Variants in GLRA1 observed in about 807,000 individuals in gnomAD.
The protein encoded by GLRA1 is glycine receptor alpha 1.
GLRA1 carries 37 observed loss-of-function variants against 48.3 expected under a neutral mutation model. That is an observed-to-expected ratio of 0.77 (90% CI 0.59 to 1.01). The LOEUF is 1.01. Among genes scored for constraint, GLRA1 ranks in the 50% least tolerant of loss-of-function variants. The pLI is 0.00. For missense variants in GLRA1, 427 were observed against 571.0 expected, an observed-to-expected ratio of 0.75 and a Z score of 2.57; for synonymous variants, 196 against 210.7, an observed-to-expected ratio of 0.93 and a Z score of 0.60.
intron 7 of GLRA1, among the ~76,000 whole-genome samples, chr5:151,830,210 G>C (rs555158766): frequency 6.6e-6 from 1 of 152,296 alleles, no homozygotes; most frequent in South Asian, 2.1e-4. Flanking sequence ...CATTCCCAGA[G>C]AGTTATCATC....
At chr5:151,897,518 G>A (rs545312451) in intron 1 of GLRA1, among the ~76,000 whole-genome samples, 1 of 152,140 alleles carries the variant, frequency 6.6e-6, no homozygotes, top group Non-Finnish European at 1.5e-5. Flanking sequence ...AGGCAGATTT[G>A]ATTAATGGTA....
chr5:151,837,592 A>G (rs915622753), intron 7 of GLRA1, among the ~76,000 whole-genome samples: 2 of 152,234 alleles, frequency 1.3e-5, no homozygotes, highest in Non-Finnish European at 2.9e-5. Flanking sequence ...ACTGATAAAG[A>G]AAATGTGTCA....
At chr5:151,909,490 G>T (rs955639914) in intron 1 of GLRA1, among the ~76,000 whole-genome samples, 5 of 152,220 alleles carry the variant, frequency 3.3e-5, no homozygotes, top group African/African-American at 1.2e-4. Context: ...CCCAGGTAGT[G>T]TTTAAGATGT....
At chr5:151,904,823 T>A (rs1754440911) in intron 1 of GLRA1, among the ~76,000 whole-genome samples, 1 of 152,204 alleles carries the variant, frequency 6.6e-6, no homozygotes, top group African/African-American at 2.4e-5. Flanking sequence ...TTTTATTGAT[T>A]CAAAGAGAGT....
chr5:151,852,647 G>A lies in GLRA1; in HGVS notation c.698-1043C>T, dbSNP rs1357471801. Among the ~76,000 whole-genome samples the A allele has an allele frequency of 2.6e-5, 4 of 152,338 alleles. No homozygotes were observed. The South Asian group carries it at 6.2e-4, about 24-fold the overall frequency. ...TCAGTCTTTTCTTCTTGCATCCATA[G>A]GGTCTAGCACAGAGTTCAGCTCTAA... On this transcript the variant is annotated intron_variant, in intron 6 of 8. Transcript: ENST00000274576.
At chr5:151,857,775 C>T (rs1753087026) in intron 4 of GLRA1, among the ~76,000 whole-genome samples, 1 of 152,234 alleles carries the variant, frequency 6.6e-6, no homozygotes, top group South Asian at 2.1e-4. Context: ...AGCTGGAATA[C>T]AAGACTCCAG....
intron 1 of GLRA1, among the ~76,000 whole-genome samples, chr5:151,909,312 GC>G (rs1449385182): frequency 3.9e-5 from 6 of 152,136 alleles, no homozygotes; most frequent in Non-Finnish European, 8.8e-5. Context: ...CTGAATGTGT[GC>G]ACTTTTTACC....
intron 3 of GLRA1, among the ~76,000 whole-genome samples, chr5:151,866,780 C>G (rs1462469047): frequency 6.6e-6 from 1 of 151,898 alleles, no homozygotes; most frequent in Non-Finnish European, 1.5e-5. Context: ...AAATATCTAC[C>G]ACACAAAATT....
chr5:151,883,442 G>C (rs200079310), intron 3 of GLRA1, among the ~76,000 whole-genome samples: 1 of 143,164 alleles, frequency 7.0e-6, no homozygotes, highest in Non-Finnish European at 1.5e-5. Flanking sequence ...TTATCTATAG[G>C]TTATGAGAAC....
In GLRA1 at chr5:151,856,371, T is replaced by A; in HGVS notation, c.489A>T (p.Thr163=). 6.2e-7 allele frequency: 1 copy of A among 1,609,614 alleles called. No individual in the cohort carries two copies. Residue 163 remains threonine, a synonymous_variant, in exon 5 of 9, where the codon ACA becomes ACT. Coordinates refer to ENST00000274576, the MANE Select transcript of GLRA1 (RefSeq NM_000171.4). ...NVLYSIRITL[T]LACPMDLKNF... The stretch of plus-strand genomic sequence containing the variant: ...TCTTCAAGTCCATGGGGCAGGCCAG[T>A]GTCAGGGTGATTCTGGGAAGAGAAG...
chr5:151,851,326 G>A (rs568790495), intron 7 of GLRA1, 64 bp downstream of exon 7: 104 of 1,061,144 alleles, frequency 9.8e-5, no homozygotes, highest in Non-Finnish European at 1.4e-4. Context: ...TTTAGGCAGA[G>A]CAAGGAAGTA....
At chr5:151,842,253 C>T (rs1327903177) in intron 7 of GLRA1, among the ~76,000 whole-genome samples, 1 of 151,872 alleles carries the variant, frequency 6.6e-6, no homozygotes, top group East Asian at 1.9e-4. Flanking sequence ...CATTTCCCAA[C>T]TCTTTCTAAG....
At chr5:151,904,717 G>C (rs1302905433) in intron 1 of GLRA1, among the ~76,000 whole-genome samples, 1 of 152,170 alleles carries the variant, frequency 6.6e-6, no homozygotes, top group African/African-American at 2.4e-5. Flanking sequence ...AAATGAGGGT[G>C]ATAGTAGTTG....
chr5:151,889,983 TG>T (rs1481025848), intron 2 of GLRA1, among the ~76,000 whole-genome samples: 1 of 152,114 alleles, frequency 6.6e-6, no homozygotes, highest in African/African-American at 2.4e-5. Flanking sequence ...CTGTAGATAT[TG>T]GGCCCAAGTG....
chr5:151,871,256 A>C (rs1753477000), intron 3 of GLRA1, among the ~76,000 whole-genome samples: 1 of 149,432 alleles, frequency 6.7e-6, no homozygotes, highest in Non-Finnish European at 1.5e-5. Context: ...GATCCCCCAG[A>C]CCCAAGAAGA....
intron 7 of GLRA1, among the ~76,000 whole-genome samples, chr5:151,838,582 A>C (rs1455831763): frequency 6.6e-6 from 1 of 152,210 alleles, no homozygotes; most frequent in Non-Finnish European, 1.5e-5. Context: ...AAGACAGAAG[A>C]ATCAGGAAAC....
intron 3 of GLRA1, among the ~76,000 whole-genome samples, chr5:151,886,159 A>G (rs1414091260): frequency 6.6e-6 from 1 of 152,230 alleles, no homozygotes; most frequent in Non-Finnish European, 1.5e-5. Context: ...CAGAAATTTG[A>G]AAAATATATA....
intron 7 of GLRA1, chr5:151,850,148 G>C (rs1382835517): frequency 1.9e-6 from 3 of 1,603,772 alleles, no homozygotes; most frequent in African/African-American, 2.7e-5. Flanking sequence ...CAGGACCCCA[G>C]GGTCCATATT....
intron 6 of GLRA1, 151 bp downstream of exon 6, chr5:151,854,889 A>G: frequency 1.1e-6 from 1 of 879,978 alleles, no homozygotes; most frequent in Non-Finnish European, 1.9e-6. Flanking sequence ...CAGGAAGAAA[A>G]TGTCAGAGCC....
Sources: allele counts gnomAD v4.1 joint callset (sites outside exome capture counted in the v4.1 genomes callset), GRCh38; gene constraint gnomAD v4.1.1; transcripts MANE v1.5; gene names NCBI Gene and HGNC (gene_info 2026-07-23, HGNC 2026-07-21).